Variants in KCNK2 observed in about 807,000 individuals in gnomAD.
KCNK2 encodes the protein potassium two pore domain channel subfamily K member 2.
In KCNK2, 21 loss-of-function variants were observed where a neutral mutation model predicts 40.5. That is an observed-to-expected ratio of 0.52 (90% CI 0.37 to 0.75). KCNK2 has a LOEUF of 0.75. KCNK2 is among the 30% of genes least tolerant of loss of function. The pLI is 0.00. For synonymous variants in KCNK2, 191 were observed against 202.2 expected (o/e 0.94, Z 0.47); for missense variants, 399 against 531.6 (o/e 0.75, Z 2.45).
At chr1:215,067,493 T>C (rs1658596411) in intron 1 of KCNK2, among the ~76,000 whole-genome samples, 1 of 152,172 alleles carries the variant, frequency 6.6e-6, no homozygotes, top group South Asian at 2.1e-4. Flanking sequence ...CACAATCATA[T>C]GTAATGGCTT....
intron 1 of KCNK2, among the ~76,000 whole-genome samples, chr1:215,085,068 C>T (rs1659370907): frequency 6.6e-6 from 1 of 152,202 alleles, no homozygotes; most frequent in Non-Finnish European, 1.5e-5. Context: ...CATGTGAAAA[C>T]TGGCATTTTT....
intron 1 of KCNK2, among the ~76,000 whole-genome samples, chr1:215,010,700 A>T (rs1656344846): frequency 6.6e-6 from 1 of 152,204 alleles, no homozygotes; most frequent in South Asian, 2.1e-4. Flanking sequence ...GCAACCAGCA[A>T]CTTTTCATAC....
At chr1:215,045,910 C>A (rs1036826929) in intron 1 of KCNK2, among the ~76,000 whole-genome samples, 1 of 151,540 alleles carries the variant, frequency 6.6e-6, no homozygotes, top group African/African-American at 2.4e-5. Context: ...AGTAATTACT[C>A]TGTTGAAGAA....
At chr1:215,058,299 C>G (rs1394130558) in intron 1 of KCNK2, among the ~76,000 whole-genome samples, 1 of 152,150 alleles carries the variant, frequency 6.6e-6, no homozygotes, top group Non-Finnish European at 1.5e-5. Context: ...CAGGATTGCA[C>G]CTTGCACTTC....
chr1:215,200,146 T>C (rs935754400), intron 6 of KCNK2, among the ~76,000 whole-genome samples: 23 of 152,220 alleles, frequency 1.5e-4, no homozygotes, highest in African/African-American at 3.9e-4. Flanking sequence ...CTTTAGTAAG[T>C]TGGCATTGTA....
intron 6 of KCNK2, among the ~76,000 whole-genome samples, chr1:215,223,880 T>G (rs762030962): frequency 9.5e-5 from 14 of 147,938 alleles, no homozygotes; most frequent in Non-Finnish European, 2.0e-4. Flanking sequence ...GTATGCTGGG[T>G]AAAAAAAAAA....
intron 6 of KCNK2, among the ~76,000 whole-genome samples, chr1:215,228,324 G>A (rs1363033049): frequency 2.6e-5 from 4 of 152,168 alleles, no homozygotes; most frequent in African/African-American, 7.2e-5. Flanking sequence ...TGGGAGGGAC[G>A]GAGCAGTGCC....
At chr1:215,107,468 A>C (rs1660482976) in intron 2 of KCNK2, among the ~76,000 whole-genome samples, 2 of 152,060 alleles carry the variant, frequency 1.3e-5, no homozygotes, top group African/African-American at 4.8e-5. Flanking sequence ...TCCAGCCAAC[A>C]GTGCACAAGT....
chr1:215,074,332 T>C (rs890722397), intron 1 of KCNK2, among the ~76,000 whole-genome samples: 1 of 152,180 alleles, frequency 6.6e-6, no homozygotes, highest in African/African-American at 2.4e-5. Flanking sequence ...TCCATATATA[T>C]AGGGTGAAGT....
chr1:215,110,353 G>A (rs1438966754), intron 2 of KCNK2, among the ~76,000 whole-genome samples: 9 of 151,930 alleles, frequency 5.9e-5, no homozygotes, highest in Non-Finnish European at 1.3e-4. Flanking sequence ...TAGGTCTTAT[G>A]TTTAAGTCTT....
rs1033313365 is a variant in KCNK2 at position 215,106,084 on chromosome 1, T to C, written c.358-18549T>C. ...ATGTGTCTTTTTGGTAGAATGATTA[T>C]TTTCCTTTGGGTAAATACCTAATAA... is the stretch of plus-strand genomic sequence containing the variant. On this transcript the variant is annotated intron_variant, in intron 2 of 6. Coordinates refer to ENST00000444842, the MANE Select transcript of KCNK2 (RefSeq NM_001017425.3). Among the ~76,000 whole-genome samples the C allele has an allele frequency of 5.3e-5, 8 of 152,128 alleles. No individual in the cohort carries two copies. In the East Asian group the frequency reaches 1.5e-3, roughly 29 times the overall value.
At chr1:215,007,011 A>ATGTGTGTGTG (rs1458691596) in intron 1 of KCNK2, among the ~76,000 whole-genome samples, 719 of 17,252 alleles carry the variant, frequency 0.042, 26 homozygotes, top group African/African-American at 0.065. Flanking sequence ...ATATATATAT[A>ATGTGTGTGTG]TATATATATA....
intron 6 of KCNK2, 38 bp downstream of exon 6, chr1:215,195,130 T>C (rs750241289): frequency 2.8e-6 from 4 of 1,444,090 alleles, no homozygotes; most frequent in Non-Finnish European, 3.8e-6. Context: ...TTCTATTTAG[T>C]TAATTCAATA....
intron 2 of KCNK2, among the ~76,000 whole-genome samples, chr1:215,115,275 GC>G (rs1386247284): frequency 6.6e-6 from 1 of 151,884 alleles, no homozygotes; most frequent in Non-Finnish European, 1.5e-5. Context: ...GGAACTATAG[GC>G]TTAAGTGCAT....
chr1:215,199,612 G>A (rs1486994114), intron 6 of KCNK2, among the ~76,000 whole-genome samples: 1 of 152,158 alleles, frequency 6.6e-6, no homozygotes, highest in Non-Finnish European at 1.5e-5. Context: ...AAGCTCCAGT[G>A]GAGGGTAGGC....
chr1:215,234,882 T>C lies in KCNK2; in HGVS notation c.1018T>C (p.Phe340Leu), dbSNP rs1302398860. The C allele has an allele frequency of 1.1e-5, 17 of 1,613,986 alleles. No individual in the cohort carries two copies. Among genetic ancestry groups the C allele is most frequent in the African/African-American group, 1.3e-5 (1 of 74,926 alleles). ...GTGGACAGCCAACGTCACAGCCGAA[T>C]TCAAAGAAACCAGGAGGCGACTGAG... ...AEWTANVTAE[F>L]KETRRRLSVE... Residue 340 changes from phenylalanine to leucine, a missense_variant, in exon 7 of 7, where the codon TTC becomes CTC. Physicochemically the swap from Phe to Leu is conservative, Grantham distance 22. This residue lies in a region of KCNK2 where 103 missense variants were observed against 124.3 expected (regional missense o/e 0.83). Transcript: ENST00000444842.
intron 2 of KCNK2, among the ~76,000 whole-genome samples, chr1:215,093,500 TTATATATAAAATATAGGA>T (rs1389163257): frequency 2.4e-5 from 1 of 41,594 alleles, no homozygotes; most frequent in Non-Finnish European, 4.8e-5. Context: ...ATGTTATATA[TTATATATAAAATATAGGA>T]TATATATAAT....
At chr1:215,101,204 T>C (rs1558091412) in intron 2 of KCNK2, among the ~76,000 whole-genome samples, 1 of 151,960 alleles carries the variant, frequency 6.6e-6, no homozygotes, top group Non-Finnish European at 1.5e-5. Context: ...GCTATGCTAG[T>C]GAGGGGTGAC....
At chr1:215,083,625 C>A (rs980431444) in intron 1 of KCNK2, 194 bp downstream of exon 1, 16 of 608,924 alleles carry the variant, frequency 2.6e-5, no homozygotes, top group South Asian at 7.8e-5. Flanking sequence ...GCTTCTCCCC[C>A]CTCTCCCGCC....
Sources: allele counts gnomAD v4.1 joint callset (sites outside exome capture counted in the v4.1 genomes callset), GRCh38; gene constraint gnomAD v4.1.1; regional missense constraint gnomAD v4.1.1; transcripts MANE v1.5; gene names NCBI Gene and HGNC (gene_info 2026-07-23, HGNC 2026-07-21).